GRID2: variants seen among roughly 807,000 people sequenced by gnomAD.
The protein encoded by GRID2 is glutamate receptor ionotropic, delta-2.
A neutral mutation model predicts 114.8 loss-of-function variants in GRID2; 33 were observed. The observed-to-expected ratio is 0.29, with a 90% CI of 0.22 to 0.38. GRID2 has a LOEUF of 0.38. GRID2 is among the 10% of genes least tolerant of loss of function. The pLI is 1.00. For missense variants in GRID2, 1,184 were observed against 1,257.7 expected (o/e 0.94, Z 0.89); for synonymous variants, 505 against 449.9 (o/e 1.12, Z -1.55).
intron 6 of GRID2, 113 bp from the exon 7 acceptor site, chr4:93,224,501 G>C (rs995128071): frequency 2.8e-5 from 18 of 633,354 alleles, no homozygotes; most frequent in Non-Finnish European, 4.3e-5. Context: ...TAATAACCCA[G>C]TAAACCAGCC....
At chr4:92,451,687 A>G (rs1187640426) in intron 1 of GRID2, among the ~76,000 whole-genome samples, 1 of 152,228 alleles carries the variant, frequency 6.6e-6, no homozygotes, top group African/African-American at 2.4e-5. Flanking sequence ...TGTGGAGTTC[A>G]TCTTTGGTTT....
intron 2 of GRID2, among the ~76,000 whole-genome samples, chr4:92,900,342 G>C (rs964481711): frequency 6.6e-6 from 1 of 152,076 alleles, no homozygotes; most frequent in African/African-American, 2.4e-5. Flanking sequence ...CGGAATCTAG[G>C]CTTTTAATTT....
At chr4:92,724,953 T>C (rs1341761692) in intron 2 of GRID2, among the ~76,000 whole-genome samples, 1 of 152,172 alleles carries the variant, frequency 6.6e-6, no homozygotes, top group Non-Finnish European at 1.5e-5. Flanking sequence ...TAGGTAGACA[T>C]GATTGACAGT....
chr4:92,891,850 A>C (rs528126705), intron 2 of GRID2, among the ~76,000 whole-genome samples: 1 of 152,238 alleles, frequency 6.6e-6, no homozygotes, highest in African/African-American at 2.4e-5. Context: ...GTAATGCATA[A>C]ATGGCCATTA....
intron 2 of GRID2, among the ~76,000 whole-genome samples, chr4:92,808,894 A>G (rs547223562): frequency 5.9e-5 from 9 of 152,080 alleles, no homozygotes; most frequent in African/African-American, 2.2e-4. Flanking sequence ...ATGCTAGGAT[A>G]AGTGAAGAAA....
chr4:92,578,053 CT>C (rs1560468355), intron 1 of GRID2, among the ~76,000 whole-genome samples: 3 of 35,510 alleles, frequency 8.4e-5, no homozygotes, highest in Middle Eastern at 0.014. Context: ...TCTTCTTCTT[CT>C]TCTTCTTCTT....
chr4:92,509,753 A>G (rs2149130504), intron 1 of GRID2, among the ~76,000 whole-genome samples: 1 of 152,058 alleles, frequency 6.6e-6, no homozygotes, highest in East Asian at 1.9e-4. Flanking sequence ...AGTAAAGAGC[A>G]TTGTGGCTCA....
chr4:93,748,539 G>A (rs1009469002), intron 14 of GRID2, among the ~76,000 whole-genome samples: 8 of 152,134 alleles, frequency 5.3e-5, no homozygotes, highest in Non-Finnish European at 1.0e-4. Flanking sequence ...TTGAACAGGC[G>A]TCTAGAGCTA....
intron 2 of GRID2, among the ~76,000 whole-genome samples, chr4:92,703,428 A>G (rs1734780139): frequency 6.6e-6 from 1 of 152,022 alleles, no homozygotes. Context: ...GGCTTTAGAG[A>G]AGGTTCAGTT....
chr4:93,591,419 G>A (rs1024993853), intron 13 of GRID2, among the ~76,000 whole-genome samples: 1 of 151,834 alleles, frequency 6.6e-6, no homozygotes, highest in East Asian at 1.9e-4. Context: ...CTTGACCATG[G>A]TGGATAAGCT....
intron 2 of GRID2, among the ~76,000 whole-genome samples, chr4:92,611,229 T>G (rs1472237582): frequency 6.6e-6 from 1 of 151,378 alleles, no homozygotes; most frequent in South Asian, 2.1e-4. Flanking sequence ...CAACAGAAAT[T>G]TATTTTCTTA....
intron 4 of GRID2, among the ~76,000 whole-genome samples, chr4:93,193,538 TGTAA>T (rs1211808722): frequency 1.3e-5 from 2 of 152,152 alleles, no homozygotes. Flanking sequence ...CTGCCATGAT[TGTAA>T]GTTTCCTGAG....
chr4:93,368,320 G>A (rs1458167132), intron 8 of GRID2, among the ~76,000 whole-genome samples: 1 of 152,074 alleles, frequency 6.6e-6, no homozygotes, highest in Non-Finnish European at 1.5e-5. Context: ...AACTATGGAA[G>A]GGGAAGTAAT....
At chr4:92,743,535 A>C (rs377163216) in intron 2 of GRID2, among the ~76,000 whole-genome samples, 1 of 152,128 alleles carries the variant, frequency 6.6e-6, no homozygotes, top group Non-Finnish European at 1.5e-5. Flanking sequence ...TCTTCACTAC[A>C]TATTTTTATT....
chr4:92,494,047 CA>C (rs1723273354), intron 1 of GRID2, among the ~76,000 whole-genome samples: 1 of 152,054 alleles, frequency 6.6e-6, no homozygotes, highest in African/African-American at 2.4e-5. Flanking sequence ...GTTGCAGAGC[CA>C]AAAAGTTACT....
chr4:92,986,999 G>A (rs969431669), intron 2 of GRID2, among the ~76,000 whole-genome samples: 1 of 152,066 alleles, frequency 6.6e-6, no homozygotes, highest in African/African-American at 2.4e-5. Flanking sequence ...GAAAAATAAT[G>A]TATACCCTTG....
At chr4:92,795,205 G>T (rs540424517) in intron 2 of GRID2, among the ~76,000 whole-genome samples, 1 of 151,754 alleles carries the variant, frequency 6.6e-6, no homozygotes, top group South Asian at 2.1e-4. Context: ...ATCTCAACTC[G>T]AATTATATCT....
intron 2 of GRID2, among the ~76,000 whole-genome samples, chr4:92,737,408 G>A (rs1484477198): frequency 6.6e-6 from 1 of 151,956 alleles, no homozygotes. Flanking sequence ...CGGTTCCTAA[G>A]CTCAGATCTT....
At chr4:93,517,138 G>A (rs1729811563) in intron 13 of GRID2, among the ~76,000 whole-genome samples, 1 of 151,866 alleles carries the variant, frequency 6.6e-6, no homozygotes, top group Admixed American at 6.6e-5. Flanking sequence ...GATTAAATAA[G>A]ATAATATATA....
Sources: allele counts gnomAD v4.1 joint callset (sites outside exome capture counted in the v4.1 genomes callset), GRCh38; gene constraint gnomAD v4.1.1; transcripts MANE v1.5; gene names NCBI Gene and HGNC (gene_info 2026-07-23, HGNC 2026-07-21).